The following STARD13 variants were observed in gnomAD, a reference collection of about 807,000 sequenced individuals.
The protein encoded by STARD13 is stAR-related lipid transfer protein 13.
Under a neutral mutation model 106.4 loss-of-function variants are expected in STARD13, and 62 were observed. The ratio of observed to expected loss-of-function variants is 0.58; its 90% CI spans 0.48 to 0.72. STARD13 has a LOEUF of 0.72. Ranked by LOEUF, STARD13 falls within the 30% of genes least tolerant of loss-of-function variation. The pLI is 0.00. For missense variants in STARD13, 1,387 were observed against 1,424.0 expected (o/e 0.97, Z 0.42); for synonymous variants, 565 against 553.0 (o/e 1.02, Z -0.31).
chr13:33,157,449 C>T (rs780287069), intron 3 of STARD13, among the ~76,000 whole-genome samples: 6 of 152,178 alleles, frequency 3.9e-5, no homozygotes, highest in Non-Finnish European at 7.3e-5. Context: ...GGGTGAATCA[C>T]TTGAGGTCAC....
intron 3 of STARD13, among the ~76,000 whole-genome samples, chr13:33,151,936 A>C (rs1881335616): frequency 6.6e-6 from 1 of 152,216 alleles, no homozygotes. Context: ...TGACTCCCAG[A>C]TTTCAGACTT....
At chr13:33,486,202 A>G in the STARD13 span, among the ~76,000 whole-genome samples, 8 of 152,182 alleles carry the variant, frequency 5.3e-5, no homozygotes, top group Non-Finnish European at 1.2e-4. Context: ...TGGGTTTCTC[A>G]GTGTCCATAC....
intron 1 of STARD13, among the ~76,000 whole-genome samples, chr13:33,330,640 C>T (rs752102576): frequency 4.6e-5 from 7 of 152,198 alleles, no homozygotes; most frequent in Middle Eastern, 3.4e-3. Context: ...GTAACTATTG[C>T]GCAAAAGTCC....
chr13:33,622,227 T>A, the STARD13 span, among the ~76,000 whole-genome samples: 2 of 152,064 alleles, frequency 1.3e-5, no homozygotes, highest in African/African-American at 2.4e-5. Flanking sequence ...GGGGCGAAAA[T>A]AACCCTATTA....
chr13:33,330,728 C>T (rs1314857149), intron 1 of STARD13, among the ~76,000 whole-genome samples: 2 of 152,124 alleles, frequency 1.3e-5, no homozygotes, highest in African/African-American at 2.4e-5. Flanking sequence ...AATCACCACA[C>T]GTATTTCTGA....
At chr13:33,569,233 A>G in the STARD13 span, among the ~76,000 whole-genome samples, 1 of 148,210 alleles carries the variant, frequency 6.7e-6, no homozygotes, top group Non-Finnish European at 1.5e-5. Flanking sequence ...AGGACAGTGT[A>G]AATTTCAGGG....
intron 1 of STARD13, chr13:33,206,163 G>A (rs1887404083): frequency 4.0e-6 from 1 of 249,886 alleles, no homozygotes; most frequent in Non-Finnish European, 6.3e-6. Flanking sequence ...GCACATACCA[G>A]AGGAAACGCT....
the STARD13 span, among the ~76,000 whole-genome samples, chr13:33,554,373 A>G: frequency 2.0e-5 from 3 of 152,208 alleles, no homozygotes; most frequent in Non-Finnish European, 4.4e-5. Flanking sequence ...TGATTCGCAT[A>G]GAGGGCTTGT....
intron 1 of STARD13, among the ~76,000 whole-genome samples, chr13:33,324,223 A>G (rs2138537901): frequency 6.6e-6 from 1 of 152,362 alleles, no homozygotes; most frequent in East Asian, 1.9e-4. Flanking sequence ...TTTGTTTTCA[A>G]GTTAAGTGTG....
intron 1 of STARD13, among the ~76,000 whole-genome samples, chr13:33,301,568 C>CTTT (rs11393186): frequency 2.4e-4 from 17 of 72,070 alleles, no homozygotes; most frequent in East Asian, 5.1e-4. Flanking sequence ...CTTTTTTTTT[C>CTTT]TTTTTTTTTT....
chr13:33,499,615 T>TCTTCTTCTTCTTCTTCTTCTC, the STARD13 span, among the ~76,000 whole-genome samples: 1 of 84,520 alleles, frequency 1.2e-5, no homozygotes, highest in African/African-American at 5.2e-5. Flanking sequence ...TTCTTCTTCT[T>TCTTCTTCTTCTTCTTCTTCTC]CTTCTTCTTC....
chr13:33,193,207 G>A (rs933643727), intron 1 of STARD13, among the ~76,000 whole-genome samples: 1 of 152,136 alleles, frequency 6.6e-6, no homozygotes, highest in African/African-American at 2.4e-5. Flanking sequence ...AAATACACAT[G>A]TTCACCACAG....
chr13:33,612,487 A>G, the STARD13 span, among the ~76,000 whole-genome samples: 3 of 152,300 alleles, frequency 2.0e-5, no homozygotes, highest in South Asian at 6.2e-4. Context: ...AAAGAAAGCC[A>G]GGGGCACAGC....
chr13:33,223,346 A>AT, intron 1 of STARD13, among the ~76,000 whole-genome samples: 1 of 152,202 alleles, frequency 6.6e-6, no homozygotes, highest in East Asian at 1.9e-4. Flanking sequence ...TTCTGGTTGT[A>AT]TAGGCGAAAT....
chr13:33,285,594 G>A lies in STARD13; in HGVS notation c.45C>T (p.Tyr15=), dbSNP rs1187182864. Reference sequence around the variant, plus strand: ...GGCCCTCAGGTGTCATGGAATTTAGGTAGTAGCAGCCTGAGGCTGGGGTCC... The same window carrying A: ...GGCCCTCAGGTGTCATGGAATTTAGATAGTAGCAGCCTGAGGCTGGGGTCC... ...VPRTPASGCY[Y]LNSMTPEGQE... Residue 15 remains tyrosine (Y), a synonymous_variant, in exon 1 of 14, where the codon TAC becomes TAT. Coordinates refer to ENST00000336934, the MANE Select transcript of STARD13 (RefSeq NM_178006.4). 3 of 1,613,740 alleles carry A rather than the reference G, an allele frequency of 1.9e-6. No individual in the cohort carries two copies. Among genetic ancestry groups the A allele is most frequent in the Non-Finnish European group, 2.5e-6 (3 of 1,179,900 alleles).
At chr13:33,486,507 T>C in the STARD13 span, among the ~76,000 whole-genome samples, 1 of 152,206 alleles carries the variant, frequency 6.6e-6, no homozygotes, top group Non-Finnish European at 1.5e-5. Context: ...ATAAAAGTTA[T>C]GTGAATGCAG....
chr13:33,383,562 G>A, the STARD13 span: 2 of 150,664 alleles, frequency 1.3e-5, no homozygotes, highest in Non-Finnish European at 2.9e-5. Context: ...TGGCCAACGT[G>A]GCAAAACCCC....
At chr13:33,383,600 G>GA in the STARD13 span, 2 of 140,724 alleles carry the variant, frequency 1.4e-5, no homozygotes, top group Admixed American at 7.0e-5. Flanking sequence ...AAAAAAAAAA[G>GA]AAAAAAATTG....
the STARD13 span, among the ~76,000 whole-genome samples, chr13:33,401,449 G>A: frequency 2.1e-3 from 322 of 152,290 alleles, no homozygotes; most frequent in African/African-American, 7.6e-3. Flanking sequence ...GCCGCTTGTA[G>A]ACAATTATCA....
Sources: gnomAD v4.1 joint callset for allele counts (sites outside exome capture counted in the v4.1 genomes callset) on GRCh38, gnomAD v4.1.1 for gene constraint, MANE v1.5 for transcripts, NCBI Gene and HGNC (gene_info 2026-07-23, HGNC 2026-07-21) for gene names.